Variants in TEX29 observed in about 807,000 individuals in gnomAD.
TEX29 encodes testis-expressed protein 29.
In TEX29, 26 loss-of-function variants were observed where a neutral mutation model predicts 18.2. That is an observed-to-expected ratio of 1.43 (90% CI 1.04 to 1.98). The LOEUF is 1.98. TEX29 is among the 30% of genes most tolerant of loss of function. The pLI is 0.00. For synonymous variants in TEX29, 83 were observed against 78.5 expected (o/e 1.06, Z -0.31); for missense variants, 177 against 194.2 (o/e 0.91, Z 0.53).
At chr13:111,324,680 A>G (rs1350172406) in intron 2 of TEX29, among the ~76,000 whole-genome samples, 1 of 152,108 alleles carries the variant, frequency 6.6e-6, no homozygotes, top group Admixed American at 6.5e-5. Flanking sequence ...CGTCAGCCAC[A>G]CTTAAAATGG....
intron 3 of TEX29, among the ~76,000 whole-genome samples, chr13:111,328,699 C>T (rs900171149): frequency 1.3e-5 from 2 of 152,152 alleles, no homozygotes; most frequent in South Asian, 2.1e-4. Context: ...CAGGGTGGAG[C>T]GGACCTTGTC....
chr13:111,317,154 G>A (rs2093655912), upstream of TEX29, among the ~76,000 whole-genome samples: 1 of 152,054 alleles, frequency 6.6e-6, no homozygotes, highest in Non-Finnish European at 1.5e-5. Flanking sequence ...GTAAAGAAAG[G>A]TGGCTGGCAT....
upstream of TEX29, among the ~76,000 whole-genome samples, chr13:111,320,067 G>A (rs1004135477): frequency 5.3e-5 from 8 of 151,992 alleles, no homozygotes; most frequent in Middle Eastern, 3.2e-3. Context: ...CTCTCAAGTC[G>A]CCACACCAGC....
At chr13:111,338,846 G>A (rs908388710) in intron 3 of TEX29, among the ~76,000 whole-genome samples, 3 of 152,256 alleles carry the variant, frequency 2.0e-5, no homozygotes, top group Non-Finnish European at 4.4e-5. Flanking sequence ...AACAGTAGAT[G>A]AGGATATTAT....
At chr13:111,326,498 GGTGGAGGAGACCACGGGCAGCGCGAGGC>G (rs2093673765) in intron 2 of TEX29, among the ~76,000 whole-genome samples, 1 of 148,590 alleles carries the variant, frequency 6.7e-6, no homozygotes. Flanking sequence ...TGTCTGGTGG[GGTGGAGGAGACCACGGGCAGCGCGAGGC>G]TGTCTGGTGG....
At chr13:111,334,068 G>A (rs1169832343) in intron 3 of TEX29, among the ~76,000 whole-genome samples, 1 of 152,190 alleles carries the variant, frequency 6.6e-6, no homozygotes, top group East Asian at 1.9e-4. Context: ...TAAGTCCAAT[G>A]TCTGTGCTTC....
At chr13:111,322,450 T>G (rs1391956364) in intron 2 of TEX29, among the ~76,000 whole-genome samples, 1 of 152,260 alleles carries the variant, frequency 6.6e-6, no homozygotes, top group African/African-American at 2.4e-5. Flanking sequence ...CTGTAAGCAG[T>G]GCAGCTGTTG....
At chr13:111,339,818 C>G (rs1450986596) in intron 3 of TEX29, 45 bp from the exon 4 acceptor site, 7 of 1,599,970 alleles carry the variant, frequency 4.4e-6, no homozygotes, top group Admixed American at 1.7e-5. Context: ...TCTTCCTTTT[C>G]TATTTACCTG....
intron 4 of TEX29, among the ~76,000 whole-genome samples, chr13:111,342,068 A>G (rs1039944378): frequency 1.3e-5 from 2 of 152,280 alleles, no homozygotes; most frequent in Middle Eastern, 6.8e-3. Context: ...TCTCATTTTA[A>G]TGGTGAGGAA....
intron 2 of TEX29, 53 bp downstream of exon 2, chr13:111,321,001 G>A: frequency 3.7e-6 from 3 of 812,100 alleles, no homozygotes; most frequent in Admixed American, 2.4e-5. Flanking sequence ...CAGTTGGGGG[G>A]GGGCACAGGG....
At chr13:111,328,317 C>A in intron 3 of TEX29, 24 bp downstream of exon 3, 3 of 1,567,192 alleles carry the variant, frequency 1.9e-6, no homozygotes, top group Non-Finnish European at 2.6e-6. Flanking sequence ...CCGGCCACCC[C>A]GTGGCGGAAG....
intron 4 of TEX29, 145 bp downstream of exon 4, chr13:111,340,077 C>T (rs1386222931): frequency 4.3e-6 from 3 of 693,594 alleles, no homozygotes; most frequent in Non-Finnish European, 7.4e-6. Flanking sequence ...GGAAAGGGAA[C>T]TGGCCAGGCT....
intron 3 of TEX29, among the ~76,000 whole-genome samples, chr13:111,335,276 C>T (rs1483653050): frequency 1.3e-5 from 2 of 152,170 alleles, no homozygotes; most frequent in African/African-American, 4.8e-5. Flanking sequence ...CGAAGGAGTC[C>T]ATTATCCTTC....
At chr13:111,318,985 C>T (rs184321748), upstream of TEX29, among the ~76,000 whole-genome samples, 47 of 152,292 alleles carry the variant, frequency 3.1e-4, no homozygotes, top group Middle Eastern at 0.01. Flanking sequence ...GGCTCATATC[C>T]GGCGCCTTCT....
At chr13:111,339,342 T>C (rs995801819) in intron 3 of TEX29, 5 of 454,830 alleles carry the variant, frequency 1.1e-5, no homozygotes, top group African/African-American at 6.0e-5. Context: ...TCCAGGGAGC[T>C]GGGGAGCACA....
chr13:111,333,747 G>A (rs1440952931), intron 3 of TEX29, among the ~76,000 whole-genome samples: 3 of 150,904 alleles, frequency 2.0e-5, no homozygotes, highest in African/African-American at 7.4e-5. Context: ...CAAAGGTGAA[G>A]CAAGACATGT....
At chr13:111,321,047 C>A (rs1026349695) in intron 2 of TEX29, 99 bp downstream of exon 2, 1 of 1,377,278 alleles carries the variant, frequency 7.3e-7, no homozygotes, top group South Asian at 1.3e-5. Flanking sequence ...GACAGGGGGT[C>A]CTGGTCCCAG....
At chr13:111,319,921 G>A (rs1191413866), upstream of TEX29, among the ~76,000 whole-genome samples, 1 of 152,220 alleles carries the variant, frequency 6.6e-6, no homozygotes, top group East Asian at 1.9e-4. Flanking sequence ...GCAGAGTGAT[G>A]CTGTGAAAAT....
chr13:111,334,927 G>T (rs951773226), intron 3 of TEX29, among the ~76,000 whole-genome samples: 16 of 152,190 alleles, frequency 1.1e-4, no homozygotes, highest in African/African-American at 3.6e-4. Flanking sequence ...ACAGGCTGTT[G>T]ATTTTCAAGC....
Sources: gnomAD v4.1 joint callset for allele counts (sites outside exome capture counted in the v4.1 genomes callset) on GRCh38, gnomAD v4.1.1 for gene constraint, MANE v1.5 for transcripts, NCBI Gene and HGNC (gene_info 2026-07-23, HGNC 2026-07-21) for gene names.